The following TRAPPC3L variants were observed in gnomAD, a reference collection of about 807,000 sequenced individuals.
The protein encoded by TRAPPC3L is trafficking protein particle complex subunit 3L, also known as trafficking protein particle complex subunit 3-like protein.
In TRAPPC3L, 23 loss-of-function variants were observed where a neutral mutation model predicts 23.7. That is an observed-to-expected ratio of 0.97 (90% CI 0.70 to 1.37). The LOEUF (loss-of-function observed/expected upper bound fraction) is 1.37. Ranked by LOEUF, TRAPPC3L falls within the 40% of genes most tolerant of loss-of-function variation. The pLI, the probability that TRAPPC3L is intolerant of heterozygous loss-of-function variation, is 0.00. For missense variants in TRAPPC3L, 212 were observed against 216.8 expected, an observed-to-expected ratio of 0.98 and a Z score of 0.14; for synonymous variants, 81 against 77.9, an observed-to-expected ratio of 1.04 and a Z score of -0.21.
intron 3 of TRAPPC3L, among the ~76,000 whole-genome samples, chr6:116,526,433 C>T (rs950646011): frequency 1.3e-5 from 2 of 152,200 alleles, no homozygotes; most frequent in African/African-American, 2.4e-5. Context: ...TTGTTCTAAA[C>T]AGTGGAGGCC....
At chr6:116,511,295 C>A (rs1163753471) in intron 3 of TRAPPC3L, among the ~76,000 whole-genome samples, 1 of 151,334 alleles carries the variant, frequency 6.6e-6, no homozygotes, top group African/African-American at 2.4e-5. Flanking sequence ...TCATAAAATT[C>A]TAGGTTTGGA....
At chr6:116,545,110 T>C (rs1426258553) in intron 1 of TRAPPC3L, among the ~76,000 whole-genome samples, 1 of 150,372 alleles carries the variant, frequency 6.7e-6, no homozygotes, top group Non-Finnish European at 1.5e-5. Flanking sequence ...TACACACATA[T>C]ATATATACAT....
chr6:116,533,682 G>A (rs1182547196), intron 3 of TRAPPC3L, among the ~76,000 whole-genome samples: 5 of 152,194 alleles, frequency 3.3e-5, no homozygotes, highest in African/African-American at 1.2e-4. Flanking sequence ...TAACGCTAGA[G>A]CTCCATCATG....
In TRAPPC3L at chr6:116,500,538, T is replaced by A; in HGVS notation, c.369A>T (p.Arg123=). The change falls in exon 4 of 5, where the codon CGA becomes CGT. Residue 123 remains arginine, a synonymous_variant. Coordinates refer to ENST00000368602, the MANE Select transcript of TRAPPC3L (RefSeq NM_001139444.3). ...VEFVEELPAG[R]SSLCYCNLLC... is the part of the protein sequence containing the mutation. Reference sequence around the variant, plus strand: ...GCAAGTTGCAGTAGCACAGAGAAGATCGCCCAGCAGGGAGCTCTTCCACAA... The same window carrying A: ...GCAAGTTGCAGTAGCACAGAGAAGAACGCCCAGCAGGGAGCTCTTCCACAA... 1 of 1,551,680 alleles carries A rather than the reference T, an allele frequency of 6.4e-7. No homozygotes were observed. Among genetic ancestry groups the A allele is most frequent in the Non-Finnish European group, 8.7e-7 (1 of 1,146,986 alleles).
At chr6:116,510,188 T>G (rs970700678) in intron 3 of TRAPPC3L, among the ~76,000 whole-genome samples, 8 of 152,170 alleles carry the variant, frequency 5.3e-5, no homozygotes, top group African/African-American at 1.4e-4. Context: ...GATATTGGTA[T>G]GAATTTTGTG....
intron 3 of TRAPPC3L, among the ~76,000 whole-genome samples, chr6:116,534,294 T>G (rs1772933698): frequency 6.6e-6 from 1 of 152,212 alleles, no homozygotes; most frequent in African/African-American, 2.4e-5. Context: ...GACATCCTTG[T>G]TGAAGTGTCA....
chr6:116,511,542 T>C, intron 3 of TRAPPC3L: 2 of 680,346 alleles, frequency 2.9e-6, no homozygotes, highest in Non-Finnish European at 2.5e-6. Flanking sequence ...TGAGAAATAT[T>C]CATTCCTAAG....
chr6:116,543,727 TTC>T, intron 1 of TRAPPC3L: 1 of 1,121,658 alleles, frequency 8.9e-7, no homozygotes, highest in Middle Eastern at 1.9e-4. Flanking sequence ...TAACATAAAT[TTC>T]TGTTTTTCTA....
chr6:116,544,218 G>T (rs1282854929), intron 1 of TRAPPC3L, among the ~76,000 whole-genome samples: 1 of 150,326 alleles, frequency 6.7e-6, no homozygotes, highest in Admixed American at 6.7e-5. Context: ...TAAAACAAAA[G>T]AATTTGAAAA....
chr6:116,506,944 T>C (rs1772017934), intron 3 of TRAPPC3L, among the ~76,000 whole-genome samples: 1 of 152,188 alleles, frequency 6.6e-6, no homozygotes, highest in African/African-American at 2.4e-5. Flanking sequence ...CAAACCATCA[T>C]GGCACATGTA....
chr6:116,524,087 A>C (rs916873114), intron 3 of TRAPPC3L: 15 of 152,316 alleles, frequency 9.8e-5, no homozygotes, highest in African/African-American at 3.6e-4. Flanking sequence ...ATGTTTTTTA[A>C]AAAGTTCTTC....
At chr6:116,505,679 C>T (rs900199455) in intron 3 of TRAPPC3L, among the ~76,000 whole-genome samples, 1 of 152,110 alleles carries the variant, frequency 6.6e-6, no homozygotes, top group Non-Finnish European at 1.5e-5. Flanking sequence ...ATATATAGAC[C>T]AATGGAACAG....
At chr6:116,519,760 A>T (rs938380135) in intron 3 of TRAPPC3L, 17 of 152,232 alleles carry the variant, frequency 1.1e-4, no homozygotes, top group African/African-American at 4.1e-4. Context: ...CAAGGAATAT[A>T]CTCAAGGAAA....
At chr6:116,544,569 A>T (rs997759847) in intron 1 of TRAPPC3L, among the ~76,000 whole-genome samples, 5 of 152,178 alleles carry the variant, frequency 3.3e-5, no homozygotes, top group African/African-American at 9.6e-5. Context: ...CTGAAAGAAC[A>T]TCATTAACTA....
chr6:116,532,650 T>C, intron 3 of TRAPPC3L, among the ~76,000 whole-genome samples: 1 of 152,240 alleles, frequency 6.6e-6, no homozygotes, highest in East Asian at 1.9e-4. Flanking sequence ...CTTCCACTTT[T>C]GTGAAACATT....
At chr6:116,532,852 T>C (rs1207081548) in intron 3 of TRAPPC3L, among the ~76,000 whole-genome samples, 1 of 152,216 alleles carries the variant, frequency 6.6e-6, no homozygotes, top group Non-Finnish European at 1.5e-5. Context: ...TAATCATGGG[T>C]TCCCTTACCT....
At chr6:116,498,542 A>G (rs913232886) in intron 4 of TRAPPC3L, among the ~76,000 whole-genome samples, 3 of 152,194 alleles carry the variant, frequency 2.0e-5, no homozygotes, top group Non-Finnish European at 4.4e-5. Flanking sequence ...CACCATTCTT[A>G]ATAGCTAAGC....
chr6:116,512,268 A>T (rs769441566), intron 3 of TRAPPC3L: 9 of 1,564,128 alleles, frequency 5.8e-6, no homozygotes, highest in Non-Finnish European at 5.2e-6. Context: ...TTTTTCTCTC[A>T]GCATGAGCTC....
At chr6:116,510,177 A>G (rs1007089031) in intron 3 of TRAPPC3L, among the ~76,000 whole-genome samples, 1 of 152,190 alleles carries the variant, frequency 6.6e-6, no homozygotes, top group African/African-American at 2.4e-5. Flanking sequence ...CAATAACAAT[A>G]GATATTGGTA....
Sources: gnomAD v4.1 joint callset for allele counts (sites outside exome capture counted in the v4.1 genomes callset) on GRCh38, gnomAD v4.1.1 for gene constraint, MANE v1.5 for transcripts, NCBI Gene and HGNC (gene_info 2026-07-23, HGNC 2026-07-21) for gene names.